SBF2: variants seen among roughly 807,000 people sequenced by gnomAD.
The protein encoded by SBF2 is SET binding factor 2, also known as myotubularin-related protein 13.
Under a neutral mutation model 225.2 loss-of-function variants are expected in SBF2, and 112 were observed. The observed-to-expected ratio is 0.50, with a 90% CI of 0.43 to 0.58. The LOEUF (loss-of-function observed/expected upper bound fraction) is 0.58. SBF2 is among the 20% of genes least tolerant of loss of function. The pLI is 0.00. For missense variants in SBF2, 1,996 were observed against 2,206.2 expected, an observed-to-expected ratio of 0.90 and a Z score of 1.91; for synonymous variants, 763 against 773.3, an observed-to-expected ratio of 0.99 and a Z score of 0.22.
intron 16 of SBF2, among the ~76,000 whole-genome samples, chr11:9,938,495 A>C (rs758417141): frequency 1.3e-5 from 2 of 152,032 alleles, no homozygotes; most frequent in Non-Finnish European, 1.5e-5. Context: ...ATGTAGGATA[A>C]TTTGCTTTTG....
chr11:9,797,207 G>A (rs2133874771), intron 32 of SBF2, among the ~76,000 whole-genome samples: 1 of 152,326 alleles, frequency 6.6e-6, no homozygotes, highest in Non-Finnish European at 1.5e-5. Context: ...AGGCATGTGT[G>A]TGATAATGTT....
At chr11:9,910,276 G>C (rs1032683478) in intron 16 of SBF2, among the ~76,000 whole-genome samples, 2 of 152,180 alleles carry the variant, frequency 1.3e-5, no homozygotes, top group Non-Finnish European at 2.9e-5. Flanking sequence ...AGAGAGCACA[G>C]TGTAACACAT....
chr11:9,941,956 TA>T (rs532437780), intron 16 of SBF2, among the ~76,000 whole-genome samples: 11 of 152,172 alleles, frequency 7.2e-5, no homozygotes, highest in Non-Finnish European at 1.3e-4. Flanking sequence ...CTATATATTT[TA>T]AAAAAAGCAA....
At chr11:9,873,685 A>G (rs1858975233) in intron 17 of SBF2, among the ~76,000 whole-genome samples, 1 of 152,238 alleles carries the variant, frequency 6.6e-6, no homozygotes, top group South Asian at 2.1e-4. Context: ...TTTAGCTCCA[A>G]AGAGCTTTCA....
At position 9,853,541 on chromosome 11, in the gene SBF2, T is replaced by C. The variant is rs772869524; in HGVS notation, c.2535A>G (p.Pro845=). 6.2e-7 allele frequency: 1 copy of C among 1,613,426 alleles called. No homozygotes were observed. The highest frequency in any genetic ancestry group is 1.1e-5 in the South Asian group (1 of 91,058). Residue 845 remains proline, a splice_region_variant and synonymous_variant, in exon 20 of 40, where the codon CCA becomes CCG. Coordinates refer to ENST00000256190, the MANE Select transcript of SBF2 (RefSeq NM_030962.4). ...CTCTAATATCTGCAGAGTGATTACC[T>C]GGTATCATGCAATGAAGGCTCTTGA... ...DHIKSLHCMI[P]GIVAMHIETL...
intron 27 of SBF2, among the ~76,000 whole-genome samples, chr11:9,830,162 A>G (rs1449412193): frequency 6.6e-6 from 1 of 152,256 alleles, no homozygotes; most frequent in Non-Finnish European, 1.5e-5. Context: ...GTTTGGGTGA[A>G]GCAAAACAGA....
At chr11:10,242,252 G>C (rs1468918458) in intron 1 of SBF2, among the ~76,000 whole-genome samples, 1 of 152,038 alleles carries the variant, frequency 6.6e-6, no homozygotes, top group East Asian at 1.9e-4. Flanking sequence ...TAAGTGTATA[G>C]TTTTTATATG....
chr11:10,121,669 C>T lies in SBF2; in HGVS notation c.141+72233G>A, dbSNP rs984673445. ...ATTGATATAAAAATATGCTTTTGTA[C>T]AAGCCAAGCATTTACTTGGGAACCT... is the stretch of plus-strand genomic sequence containing the variant. On this transcript the variant is annotated intron_variant, in intron 2 of 39. Transcript: ENST00000256190. Among the ~76,000 whole-genome samples, 12 of 152,332 alleles carry T rather than the reference C, an allele frequency of 7.9e-5. 1 individual carries two copies. In the South Asian group the frequency reaches 1.4e-3, roughly 18 times the overall value.
At chr11:9,815,661 C>T (rs1455875680) in intron 29 of SBF2, among the ~76,000 whole-genome samples, 4 of 152,064 alleles carry the variant, frequency 2.6e-5, no homozygotes, top group Admixed American at 6.6e-5. Context: ...GAGAGTGATT[C>T]GGATCACGAG....
intron 13 of SBF2, among the ~76,000 whole-genome samples, chr11:9,979,055 A>G (rs532347060): frequency 3.2e-4 from 48 of 152,284 alleles, no homozygotes; most frequent in Non-Finnish European, 6.6e-4. Flanking sequence ...GTTTTTTCCT[A>G]TTGGAGGCGA....
chr11:9,981,270 G>T (rs1946945208), intron 13 of SBF2, among the ~76,000 whole-genome samples: 1 of 152,248 alleles, frequency 6.6e-6, no homozygotes, highest in South Asian at 2.1e-4. Context: ...ACTCATTAAA[G>T]CTGGCAACAA....
chr11:10,164,266 T>A (rs1955863624), intron 2 of SBF2, among the ~76,000 whole-genome samples: 1 of 152,194 alleles, frequency 6.6e-6, no homozygotes, highest in African/African-American at 2.4e-5. Context: ...AGGTCTTACA[T>A]CATAATTTTG....
At chr11:10,148,400 T>C (rs572693969) in intron 2 of SBF2, among the ~76,000 whole-genome samples, 3 of 152,224 alleles carry the variant, frequency 2.0e-5, no homozygotes, top group Non-Finnish European at 2.9e-5. Flanking sequence ...ATAGCCTCCA[T>C]ACATGGGGGC....
Position 10,085,342 on chromosome 11 carries a change from T to C in SBF2, c.142-42361A>G, listed in dbSNP as rs182650310. ...TATATGTCTTTTAGCTGTGGTAAAT[T>C]AAATTGTTTTTTTCTGACCCCGTAT... On this transcript the variant is annotated intron_variant, in intron 2 of 39. Coordinates refer to ENST00000256190, the MANE Select transcript of SBF2 (RefSeq NM_030962.4). 5.2e-3 allele frequency among the ~76,000 whole-genome samples: 793 copies of C among 152,212 alleles called. 4 individuals are homozygous for C. Among genetic ancestry groups the C allele is most frequent in the Non-Finnish European group, 5.7e-3 (386 of 68,004 alleles).
At chr11:9,806,062 C>A (rs1306337984) in intron 32 of SBF2, among the ~76,000 whole-genome samples, 1 of 152,174 alleles carries the variant, frequency 6.6e-6, no homozygotes, top group Non-Finnish European at 1.5e-5. Flanking sequence ...GTGTTAGATA[C>A]TAGGGATATG....
intron 2 of SBF2, among the ~76,000 whole-genome samples, chr11:10,190,042 T>C (rs908141047): frequency 2.6e-5 from 4 of 151,854 alleles, no homozygotes; most frequent in Admixed American, 6.6e-5. Flanking sequence ...TCCCAGCTAC[T>C]TGGGAGGCTG....
chr11:10,075,871 T>C (rs1267202679), intron 2 of SBF2, among the ~76,000 whole-genome samples: 2 of 151,604 alleles, frequency 1.3e-5, no homozygotes, highest in Admixed American at 6.6e-5. Context: ...GATGGGATCG[T>C]AGAGGAAACA....
chr11:9,863,289 A>G (rs1286175229), intron 17 of SBF2, among the ~76,000 whole-genome samples: 1 of 152,212 alleles, frequency 6.6e-6, no homozygotes, highest in African/African-American at 2.4e-5. Context: ...AGATATCAGC[A>G]TGAGGGGCCT....
At chr11:9,865,868 T>C (rs575458452) in intron 17 of SBF2, among the ~76,000 whole-genome samples, 68 of 152,216 alleles carry the variant, frequency 4.5e-4, no homozygotes, top group African/African-American at 1.5e-3. Context: ...AATTTAACTA[T>C]TGTATGGAAT....
Sources: gnomAD v4.1 joint callset for allele counts (sites outside exome capture counted in the v4.1 genomes callset) on GRCh38, gnomAD v4.1.1 for gene constraint, MANE v1.5 for transcripts, NCBI Gene and HGNC (gene_info 2026-07-23, HGNC 2026-07-21) for gene names.